PLA2G12A: variants seen among roughly 807,000 people sequenced by gnomAD.
The protein encoded by PLA2G12A is group XIIA secretory phospholipase A2.
In PLA2G12A, 11 loss-of-function variants were observed where a neutral mutation model predicts 16.0. That is an observed-to-expected ratio of 0.69 (90% CI 0.43 to 1.13). The LOEUF is 1.13. Ranked by LOEUF, PLA2G12A falls within the 50% of genes most tolerant of loss-of-function variation. The pLI, the probability that PLA2G12A is intolerant of heterozygous loss-of-function variation, is 0.00. For synonymous variants in PLA2G12A, 77 were observed against 93.8 expected, an observed-to-expected ratio of 0.82 and a Z score of 1.03; for missense variants, 214 against 237.3, an observed-to-expected ratio of 0.90 and a Z score of 0.65.
At chr4:109,717,785 A>G (rs1730854638) in intron 2 of PLA2G12A, 72 bp from the exon 3 acceptor site, 1 of 1,375,252 alleles carries the variant, frequency 7.3e-7, no homozygotes, top group South Asian at 1.3e-5. Context: ...ATTCAAATAG[A>G]CTAAATAGGT....
At chr4:109,717,444 A>C in intron 3 of PLA2G12A, 104 bp downstream of exon 3, 1 of 1,202,798 alleles carries the variant, frequency 8.3e-7, no homozygotes, top group Non-Finnish European at 1.2e-6. Context: ...ACAATAGATA[A>C]TATATGTGAA....
chr4:109,729,946 G>A lies in PLA2G12A; in HGVS notation c.-137C>T. On this transcript the variant is annotated 5_prime_UTR_variant, in exon 1 of 4. Coordinates refer to ENST00000243501, the MANE Select transcript of PLA2G12A (RefSeq NM_030821.5). ...GCTCCATATCCACGCCTCCTTCCCG[G>A]CTGGCCCTCAGGATCTCGCTGTCTT... 2.8e-6 allele frequency: 2 copies of A among 704,098 alleles called. No individual in the cohort carries two copies. The highest frequency in any genetic ancestry group is 4.4e-6 in the Non-Finnish European group (2 of 451,724). 43.6% of individuals were successfully genotyped at this position (704,098 alleles called of 1,614,324 possible).
intron 1 of PLA2G12A, among the ~76,000 whole-genome samples, chr4:109,728,669 A>T (rs2126169346): frequency 6.6e-6 from 1 of 152,354 alleles, no homozygotes. Flanking sequence ...ATAGGTTTAC[A>T]TGATACCAGT....
rs762258865 is a variant in PLA2G12A at position 109,729,817 on chromosome 4, G to A, written c.-8C>T. 3.0e-5 allele frequency: 47 copies of A among 1,546,596 alleles called. No individual in the cohort carries two copies. The highest frequency in any genetic ancestry group is 4.1e-5 in the Non-Finnish European group (47 of 1,145,860). On this transcript the variant is annotated 5_prime_UTR_variant, in exon 1 of 4. Transcript: ENST00000243501. ...GCGCGAGAGCAGGGCCATGCGCGCA[G>A]CGCCGGGCTCTACGGGTCCCCGAGC... is the stretch of plus-strand genomic sequence containing the variant.
intron 2 of PLA2G12A, among the ~76,000 whole-genome samples, chr4:109,717,997 C>T (rs1302300385): frequency 6.6e-6 from 1 of 152,066 alleles, no homozygotes; most frequent in East Asian, 1.9e-4. Flanking sequence ...GTCCAAAACA[C>T]AAAACATAAG....
intron 1 of PLA2G12A, among the ~76,000 whole-genome samples, chr4:109,725,914 C>T (rs1014602457): frequency 4.6e-5 from 7 of 152,150 alleles, no homozygotes; most frequent in African/African-American, 1.7e-4. Flanking sequence ...GATCATTAAT[C>T]TCCAAAAGGT....
rs376984776 is a variant in PLA2G12A at position 109,729,648 on chromosome 4, G to C, written c.162C>G (p.Asp54Glu). ...KIDTYLNAAL[D>E]LLGGEDGLCQ... ...AGAGACCGTCCTCGCCTCCCAGGAG[G>C]TCCAAGGCGGCGTTCAGGTACGTGT... The change falls in exon 1 of 4, where the codon GAC becomes GAG. Residue 54 changes from aspartate to glutamate, a missense_variant. Physicochemically the swap from Asp to Glu is conservative, Grantham distance 45. Transcript: ENST00000243501. 117 of 1,611,866 alleles carry C rather than the reference G, an allele frequency of 7.3e-5. No individual in the cohort carries two copies. Among genetic ancestry groups the C allele is most frequent in the Non-Finnish European group, 8.9e-5 (105 of 1,179,850 alleles).
chr4:109,715,425 A>C (rs1269228825), intron 3 of PLA2G12A, among the ~76,000 whole-genome samples: 9 of 151,968 alleles, frequency 5.9e-5, no homozygotes, highest in Non-Finnish European at 1.5e-5. Context: ...TATAAATCAA[A>C]AGTATTTTTC....
At chr4:109,720,589 AAAAAAAAAAAAAAAAATATATAT>A (rs1275654119) in intron 1 of PLA2G12A, among the ~76,000 whole-genome samples, 208 of 47,810 alleles carry the variant, frequency 4.4e-3, no homozygotes, top group Non-Finnish European at 6.9e-3. Context: ...AAAAAAAAAA[AAAAAAAAAAAAAAAAATATATAT>A]ATATATATAT....
chr4:109,724,805 A>G (rs1722897438), intron 1 of PLA2G12A, among the ~76,000 whole-genome samples: 1 of 152,250 alleles, frequency 6.6e-6, no homozygotes, highest in African/African-American at 2.4e-5. Flanking sequence ...GCTAGTGGTT[A>G]TAACTGTCTG....
rs1160052754 is a variant in PLA2G12A at position 109,730,035 on chromosome 4, C to G, written c.-226G>C. The G allele has an allele frequency of 4.2e-6, 2 of 472,962 alleles. No homozygotes were observed. The highest frequency in any genetic ancestry group is 3.8e-5 in the East Asian group (1 of 26,576). 29.3% of individuals were successfully genotyped at this position (472,962 alleles called of 1,614,324 possible). A position where few individuals can be genotyped will look rare whatever the true frequency, so the allele number is the denominator to read the frequency against. ...ACGCGCCCGCTCACCTGGACCAGCG[C>G]GCCCGCTCACCTGGGCCAGCAACCG... On this transcript the variant is annotated 5_prime_UTR_variant, in exon 1 of 4. Coordinates refer to ENST00000243501, the MANE Select transcript of PLA2G12A (RefSeq NM_030821.5).
chr4:109,729,558 C>A (rs373282960), intron 1 of PLA2G12A, 44 bp downstream of exon 1: 1 of 1,578,236 alleles, frequency 6.3e-7, no homozygotes, highest in Non-Finnish European at 8.7e-7. Context: ...TCACCCCAAT[C>A]CCCCGAAAGC....
intron 3 of PLA2G12A, among the ~76,000 whole-genome samples, chr4:109,716,667 C>G (rs983655617): frequency 2.0e-5 from 3 of 152,146 alleles, no homozygotes; most frequent in East Asian, 1.9e-4. Flanking sequence ...CCAAAGGGCC[C>G]TTTCCCTTTG....
intron 1 of PLA2G12A, among the ~76,000 whole-genome samples, chr4:109,721,523 G>A (rs997919015): frequency 6.6e-6 from 1 of 151,990 alleles, no homozygotes; most frequent in Admixed American, 6.6e-5. Flanking sequence ...GGCTTCACCA[G>A]GTTGGCCAGG....
rs1271125691 is a variant in PLA2G12A at position 109,713,239 on chromosome 4, C to G, written c.*1138G>C. 1 of 152,194 alleles carries G rather than the reference C, an allele frequency of 6.6e-6. No individual in the cohort carries two copies. The highest frequency in any genetic ancestry group is 1.5e-5 in the Non-Finnish European group (1 of 68,042). 9.4% of individuals were successfully genotyped at this position (152,194 alleles called of 1,614,324 possible). ...AGACCGGTCTAGGAACATAACTGAGCATTCCAAGAGATTGAAAAGTTTTCA... is the reference window on the plus strand; with the variant it reads ...AGACCGGTCTAGGAACATAACTGAGGATTCCAAGAGATTGAAAAGTTTTCA... On this transcript the variant is annotated 3_prime_UTR_variant, in exon 4 of 4. Transcript: ENST00000243501.
At chr4:109,728,407 T>C (rs1722980766) in intron 1 of PLA2G12A, among the ~76,000 whole-genome samples, 1 of 152,220 alleles carries the variant, frequency 6.6e-6, no homozygotes, top group South Asian at 2.1e-4. Context: ...AACTGTAACA[T>C]TTGCTTTAGG....
chr4:109,715,380 C>T (rs1730811324), intron 3 of PLA2G12A, among the ~76,000 whole-genome samples: 1 of 152,134 alleles, frequency 6.6e-6, no homozygotes, highest in Non-Finnish European at 1.5e-5. Flanking sequence ...ATCTCTTTGA[C>T]CAATGTCCTA....
intron 1 of PLA2G12A, among the ~76,000 whole-genome samples, chr4:109,721,060 A>G (rs1316197266): frequency 1.3e-5 from 2 of 152,192 alleles, no homozygotes; most frequent in African/African-American, 2.4e-5. Flanking sequence ...AACAAGAGCG[A>G]AACTCTGTCT....
In PLA2G12A at chr4:109,729,649, T is replaced by C. The variant is rs964299390; in HGVS notation, c.161A>G (p.Asp54Gly). The C allele has an allele frequency of 1.9e-6, 3 of 1,611,746 alleles. No individual in the cohort carries two copies. The African/African-American group carries it at 4.0e-5, about 22-fold the overall frequency. Residue 54 changes from aspartate (D) to glycine (G), a missense_variant, in exon 1 of 4, where the codon GAC becomes GGC. Asp to Gly is a moderately conservative substitution (Grantham distance 94). Transcript: ENST00000243501. ...KIDTYLNAAL[D>G]LLGGEDGLCQ... Reference sequence around the variant, plus strand: ...GAGACCGTCCTCGCCTCCCAGGAGGTCCAAGGCGGCGTTCAGGTACGTGTC... The same window carrying C: ...GAGACCGTCCTCGCCTCCCAGGAGGCCCAAGGCGGCGTTCAGGTACGTGTC...
Sources: allele counts gnomAD v4.1 joint callset (sites outside exome capture counted in the v4.1 genomes callset), GRCh38; gene constraint gnomAD v4.1.1; transcripts MANE v1.5; gene names NCBI Gene and HGNC (gene_info 2026-07-23, HGNC 2026-07-21).